NMRAL1: variants seen among roughly 807,000 people sequenced by gnomAD.
NMRAL1 encodes the protein NmrA like redox sensor 1.
A neutral mutation model predicts 27.5 loss-of-function variants in NMRAL1; 32 were observed. That is an observed-to-expected ratio of 1.16 (90% CI 0.88 to 1.56). The LOEUF is 1.56. Among genes scored for constraint, NMRAL1 ranks in the 40% most tolerant of loss-of-function variants. The probability of loss-of-function intolerance (pLI) is 0.00; values close to 1 mark genes in which losing one functional copy is unlikely to be tolerated. For synonymous variants in NMRAL1, 166 were observed against 166.8 expected (o/e 1.00, Z 0.04); for missense variants, 420 against 392.0 (o/e 1.07, Z -0.60).
At chr16:4,466,980 G>T (rs1025315904) in intron 3 of NMRAL1, 1 of 155,212 alleles carries the variant, frequency 6.4e-6, no homozygotes, top group African/African-American at 2.4e-5. Flanking sequence ...AACTGTGAAT[G>T]TGACCTTATT....
upstream of NMRAL1, chr16:4,476,096 G>T (rs2057819508): frequency 6.6e-6 from 1 of 152,254 alleles, no homozygotes; most frequent in Non-Finnish European, 1.5e-5. Flanking sequence ...TGCCACGGTT[G>T]ACAACCCTAT....
At chr16:4,472,907 G>T (rs2057633381) in intron 2 of NMRAL1, among the ~76,000 whole-genome samples, 1 of 151,804 alleles carries the variant, frequency 6.6e-6, no homozygotes, top group Admixed American at 6.6e-5. Context: ...AAGTAGATTG[G>T]AGCTTTCTAG....
intron 4 of NMRAL1, among the ~76,000 whole-genome samples, chr16:4,465,348 T>C (rs1283101382): frequency 6.6e-6 from 1 of 151,878 alleles, no homozygotes; most frequent in Non-Finnish European, 1.5e-5. Context: ...GGGTAAGGAG[T>C]GGCCAGCCAG....
intron 4 of NMRAL1, among the ~76,000 whole-genome samples, chr16:4,465,550 TTTTTG>T (rs540508724): frequency 6.8e-4 from 103 of 152,244 alleles, no homozygotes; most frequent in African/African-American, 1.5e-3. Context: ...GTCTTTGGTT[TTTTTG>T]TTTTGTTTTG....
rs778241984 is a variant in NMRAL1 at position 4,474,133 on chromosome 16, G to A, written c.-1C>T. Reference sequence around the variant, plus strand: ...CCACCACCAGTTTCTTGTCCACCATGAGGACGAGAATGGGACGAATCCGGT... The same window carrying A: ...CCACCACCAGTTTCTTGTCCACCATAAGGACGAGAATGGGACGAATCCGGT... On this transcript the variant is annotated 5_prime_UTR_variant, in exon 2 of 6. Coordinates refer to ENST00000283429, the MANE Select transcript of NMRAL1 (RefSeq NM_020677.6). The A allele has an allele frequency of 1.2e-6, 2 of 1,611,786 alleles. No individual in the cohort carries two copies. Among genetic ancestry groups the A allele is most frequent in the South Asian group, 1.1e-5 (1 of 90,476 alleles).
At chr16:4,468,747 G>A (rs1044331650) in intron 3 of NMRAL1, among the ~76,000 whole-genome samples, 4 of 151,998 alleles carry the variant, frequency 2.6e-5, no homozygotes, top group Admixed American at 6.6e-5. Flanking sequence ...ATGGGTACAC[G>A]TGGACATGAA....
intron 2 of NMRAL1, among the ~76,000 whole-genome samples, chr16:4,473,476 G>A (rs2057680795): frequency 6.6e-6 from 1 of 152,032 alleles, no homozygotes; most frequent in South Asian, 2.1e-4. Flanking sequence ...GCTATCATTT[G>A]AAAAAATGAT....
Position 4,474,149 on chromosome 16 carries a change from C to T in NMRAL1, c.-17G>A, listed in dbSNP as rs760193232. On this transcript the variant is annotated 5_prime_UTR_variant, in exon 2 of 6. Coordinates refer to ENST00000283429, the MANE Select transcript of NMRAL1 (RefSeq NM_020677.6). ...GTCCACCATGAGGACGAGAATGGGA[C>T]GAATCCGGTCCAGAGATCTGGGGGT... The T allele has an allele frequency of 9.9e-6, 16 of 1,609,806 alleles. No homozygotes were observed. In the Admixed American group the frequency reaches 2.3e-4, roughly 24 times the overall value.
chr16:4,464,948 C>T (rs1001619716), intron 4 of NMRAL1, among the ~76,000 whole-genome samples: 7 of 147,712 alleles, frequency 4.7e-5, no homozygotes, highest in Admixed American at 4.1e-4. Context: ...TGCTCTGTCA[C>T]CCAGGCTGGA....
intron 3 of NMRAL1, 52 bp downstream of exon 3, chr16:4,469,175 C>T (rs865970006): frequency 7.7e-5 from 97 of 1,264,376 alleles, no homozygotes; most frequent in Middle Eastern, 6.1e-4. Context: ...TCCTCCCAGG[C>T]GCTCTGCTCC....
rs7186663 is a variant in NMRAL1, at chr16:4,462,067, C to T, written c.721-108G>A. The stretch of plus-strand genomic sequence containing the variant: ...TCTCCCGACCTGCTACACCCAGAGC[C>T]ACTATTGTCTCGGTCCCTGACCCAG... On this transcript the variant is annotated intron_variant, in intron 5 of 5. Coordinates refer to ENST00000283429, the MANE Select transcript of NMRAL1 (RefSeq NM_020677.6). The T allele has an allele frequency of 8.6e-3, 7,632 of 889,970 alleles. 413 individuals carry two copies. In the African/African-American group the frequency reaches 0.11, roughly 13 times the overall value. The allele number at this position is 889,970 out of a possible 1,614,324, so 55.1% of individuals were successfully genotyped here.
At position 4,466,281 on chromosome 16, in the gene NMRAL1, C is replaced by A. The variant is rs1305596404; in HGVS notation, c.401G>T (p.Gly134Val). ...GTCCCGGAAATATTCCTCCACCTCCCCTTTGCCGTCAAAGTGCGCGGCGGC... is the reference window on the plus strand; with the variant it reads ...GTCCCGGAAATATTCCTCCACCTCCACTTTGCCGTCAAAGTGCGCGGCGGC... The part of the protein sequence containing the change: ...RLAAAHFDGK[G>V]EVEEYFRDIG... Residue 134 changes from glycine (G) to valine (V), a missense_variant, in exon 4 of 6, where the codon GGG becomes GTG. Transcript: ENST00000283429. The A allele has an allele frequency of 6.2e-7, 1 of 1,614,110 alleles. No homozygotes were observed. The highest frequency in any genetic ancestry group is 8.5e-7 in the Non-Finnish European group (1 of 1,180,044).
At chr16:4,474,368 C>T (rs921600999) in intron 1 of NMRAL1, 186 bp downstream of exon 1, 6 of 503,460 alleles carry the variant, frequency 1.2e-5, no homozygotes, top group Non-Finnish European at 2.1e-5. Flanking sequence ...TCCTTCCCGC[C>T]TCCCCCGGTT....
chr16:4,462,831 G>A (rs894127205), intron 5 of NMRAL1, among the ~76,000 whole-genome samples: 5 of 151,108 alleles, frequency 3.3e-5, no homozygotes, highest in African/African-American at 1.2e-4. Context: ...CCCAACTTTC[G>A]TCTTTTAAGG....
chr16:4,474,518 T>G, intron 1 of NMRAL1, 36 bp downstream of exon 1: 15 of 175,072 alleles, frequency 8.6e-5, no homozygotes, highest in East Asian at 1.5e-4. Flanking sequence ...AGCTGCGCGC[T>G]AGGCGCCAAC....
rs371828830 is a variant in NMRAL1, at chr16:4,464,664, G to C, written c.530-814C>G. The stretch of plus-strand genomic sequence containing the variant: ...GAGTCTCGCTCTGTCGCCCAGGCTG[G>C]AGTGCAGTGGCGCAATCTTGGCTCA... On this transcript the variant is annotated intron_variant, in intron 4 of 5. Coordinates refer to ENST00000283429, the MANE Select transcript of NMRAL1 (RefSeq NM_020677.6). Among the ~76,000 whole-genome samples, 390 of 150,342 alleles carry C rather than the reference G, an allele frequency of 2.6e-3. 7 individuals are homozygous for C. The highest frequency in any genetic ancestry group is 9.0e-3 in the African/African-American group (366 of 40,520).
At chr16:4,466,130 C>T (rs750733517) in intron 4 of NMRAL1, 23 bp downstream of exon 4, 104 of 1,613,096 alleles carry the variant, frequency 6.4e-5, no homozygotes, top group Non-Finnish European at 8.6e-5. Flanking sequence ...TCTGCCTCAC[C>T]GTGTGCGAGA....
intron 1 of NMRAL1, 163 bp downstream of exon 1, chr16:4,474,391 C>T (rs55810554): frequency 0.064 from 31,247 of 485,738 alleles, 2,819 homozygotes; most frequent in African/African-American, 0.3. Flanking sequence ...AGTCACCCGC[C>T]CCCCGGCCCG....
intron 1 of NMRAL1, 127 bp from the exon 2 acceptor site, chr16:4,474,293 G>C: frequency 3.0e-6 from 2 of 660,700 alleles, no homozygotes; most frequent in Non-Finnish European, 5.3e-6. Context: ...GGAGCGGCAA[G>C]ACGCCTGTCC....
Sources: gnomAD v4.1 joint callset for allele counts (sites outside exome capture counted in the v4.1 genomes callset) on GRCh38, gnomAD v4.1.1 for gene constraint, MANE v1.5 for transcripts, NCBI Gene and HGNC (gene_info 2026-07-23, HGNC 2026-07-21) for gene names.